Variants in MINDY2 observed in about 807,000 individuals in gnomAD.
The protein encoded by MINDY2 is MINDY lysine 48 deubiquitinase 2.
MINDY2 carries 52 observed loss-of-function variants against 68.2 expected under a neutral mutation model. That is an observed-to-expected ratio of 0.76 (90% CI 0.61 to 0.96). The LOEUF is 0.96. Among genes scored for constraint, MINDY2 ranks in the 40% least tolerant of loss-of-function variants. The pLI is 0.00. For missense variants in MINDY2, 881 were observed against 773.4 expected, an observed-to-expected ratio of 1.14 and a Z score of -1.65; for synonymous variants, 372 against 303.0, an observed-to-expected ratio of 1.23 and a Z score of -2.36.
Position 58,854,496 on chromosome 15 carries a change from A to C in MINDY2, c.1752A>C (p.Ala584=). ...TTTTCTTAAAGCAGGGCCAGCCAGC[A>C]CAAGCCTCTCCATCAAGTGGAAGAC... ...ASTQAQQGQP[A]QASPSSGRQS... Residue 584 remains alanine, a synonymous_variant, in exon 9 of 9, where the codon GCA becomes GCC. Transcript: ENST00000559228. 1.2e-6 allele frequency: 2 copies of C among 1,613,756 alleles called. No homozygotes were observed. Among genetic ancestry groups the C allele is most frequent in the Non-Finnish European group, 1.7e-6 (2 of 1,179,892 alleles).
chr15:58,791,143 G>C (rs1456651262), intron 2 of MINDY2, among the ~76,000 whole-genome samples: 2 of 141,934 alleles, frequency 1.4e-5, no homozygotes, highest in Non-Finnish European at 3.1e-5. Context: ...TCACGCCACT[G>C]CACTCCAGCC....
rs201445495 is a variant in MINDY2, at chr15:58,854,527, G to C, written c.1783G>C (p.Gly595Arg). The C allele has an allele frequency of 3.4e-5, 55 of 1,613,640 alleles. No individual in the cohort carries two copies. Among genetic ancestry groups the C allele is most frequent in the Non-Finnish European group, 2.7e-5 (32 of 1,179,892 alleles). ...QASPSSGRQS[G>R]NSERKRKEPR... ...CTCTCCATCAAGTGGAAGACAATCT[G>C]GGAATAGTGAACGTAAACGGAAGGA... The change falls in exon 9 of 9, where the codon GGG becomes CGG. Residue 595 changes from glycine to arginine, a missense_variant. By Grantham distance (125) the Gly-to-Arg change is moderately radical (BLOSUM62 -2). Coordinates refer to ENST00000559228, the MANE Select transcript of MINDY2 (RefSeq NM_001040450.3).
Position 58,778,529 on chromosome 15 carries a change from GACAC to G in MINDY2, c.840+6299_840+6302del, listed in dbSNP as rs371646360. Among the ~76,000 whole-genome samples the G allele has an allele frequency of 5.6e-4, 84 of 149,224 alleles. 2 individuals carry two copies. In the East Asian group the frequency reaches 0.016, roughly 28 times the overall value. ...AAATAAAAAAAAGCTTAAAAAAACA[GACAC>G]ACACCAAAAAAAAAAACCTCACCAT... On this transcript the variant is annotated intron_variant, in intron 1 of 8. Coordinates refer to ENST00000559228, the MANE Select transcript of MINDY2 (RefSeq NM_001040450.3).
At chr15:58,831,035 G>GTATATATATA (rs1230717668) in intron 5 of MINDY2, among the ~76,000 whole-genome samples, 12 of 99,054 alleles carry the variant, frequency 1.2e-4, no homozygotes, top group South Asian at 3.2e-4. Context: ...GTGTGTGTGT[G>GTATATATATA]TGTGTGTATA....
chr15:58,807,605 C>T (rs928951337), intron 3 of MINDY2, among the ~76,000 whole-genome samples: 1 of 152,012 alleles, frequency 6.6e-6, no homozygotes, highest in African/African-American at 2.4e-5. Flanking sequence ...CCTTGTGATC[C>T]GCCCGCCTCG....
intron 5 of MINDY2, among the ~76,000 whole-genome samples, chr15:58,825,361 C>A (rs2031326758): frequency 6.6e-6 from 1 of 152,180 alleles, no homozygotes; most frequent in African/African-American, 2.4e-5. Context: ...GTAGAATACA[C>A]TGCTTTCGGG....
intron 6 of MINDY2, among the ~76,000 whole-genome samples, chr15:58,836,146 G>A (rs570831724): frequency 3.3e-5 from 5 of 152,102 alleles, no homozygotes; most frequent in East Asian, 1.9e-4. Context: ...TCCTGATCTC[G>A]TGATCTGCCT....
rs1174226094 is a variant in MINDY2 at position 58,772,134 on chromosome 15, T to C, written c.739T>C (p.Trp247Arg). Residue 247 changes from tryptophan to arginine, a missense_variant, in exon 1 of 9, where the codon TGG becomes CGG. Physicochemically the swap from Trp to Arg is moderately radical, Grantham distance 101. Coordinates refer to ENST00000559228, the MANE Select transcript of MINDY2 (RefSeq NM_001040450.3). ...FPGQSVYHIK[W>R]IQWKEENTPI... is the part of the protein sequence containing the mutation. ...GGGACAATCTGTGTATCACATCAAGTGGATCCAGTGGAAGGAAGAGAACAC... is the reference window on the plus strand; with the variant it reads ...GGGACAATCTGTGTATCACATCAAGCGGATCCAGTGGAAGGAAGAGAACAC... 6.2e-7 allele frequency: 1 copy of C among 1,613,934 alleles called. No individual in the cohort carries two copies.
intron 7 of MINDY2, among the ~76,000 whole-genome samples, chr15:58,850,815 G>C (rs944291842): frequency 2.0e-5 from 3 of 152,110 alleles, no homozygotes; most frequent in South Asian, 2.1e-4. Flanking sequence ...TCAAACTCCT[G>C]GGCTCAAGCA....
At chr15:58,842,874 T>A (rs1355829819) in intron 6 of MINDY2, among the ~76,000 whole-genome samples, 1 of 152,192 alleles carries the variant, frequency 6.6e-6, no homozygotes, top group Non-Finnish European at 1.5e-5. Flanking sequence ...ATTTAGCTTA[T>A]CAGCATTTCC....
At chr15:58,816,728 TAGAG>T (rs2030712697) in intron 4 of MINDY2, among the ~76,000 whole-genome samples, 1 of 152,068 alleles carries the variant, frequency 6.6e-6, no homozygotes, top group African/African-American at 2.4e-5. Context: ...TAGGTAGACA[TAGAG>T]GGAAAAAATG....
At chr15:58,786,168 TG>T (rs1901484742) in intron 1 of MINDY2, among the ~76,000 whole-genome samples, 1 of 152,218 alleles carries the variant, frequency 6.6e-6, no homozygotes, top group Admixed American at 6.5e-5. Flanking sequence ...TTATTTTACT[TG>T]TTGATTAAAA....
At chr15:58,832,057 C>A (rs1420419640) in intron 6 of MINDY2, 141 bp downstream of exon 6, 8 of 710,550 alleles carry the variant, frequency 1.1e-5, no homozygotes, top group Non-Finnish European at 1.7e-5. Flanking sequence ...TTATTAAATA[C>A]AGTACTTCTT....
chr15:58,820,710 T>C (rs528982970), intron 4 of MINDY2, among the ~76,000 whole-genome samples: 1 of 152,264 alleles, frequency 6.6e-6, no homozygotes, highest in South Asian at 2.1e-4. Flanking sequence ...AACATGAGCC[T>C]GAAATTCTTT....
chr15:58,860,836 A>T lies in MINDY2; in HGVS notation c.*6226A>T, dbSNP rs2033199298. ...CAGAATTTTTATTATTGTTTTTCAC[A>T]TATGTGAAATAAGCAGTTTTTTCAG... On this transcript the variant is annotated 3_prime_UTR_variant, in exon 9 of 9. Coordinates refer to ENST00000559228, the MANE Select transcript of MINDY2 (RefSeq NM_001040450.3). 6.6e-6 allele frequency: 1 copy of T among 152,178 alleles called. No individual in the cohort carries two copies. The highest frequency in any genetic ancestry group is 2.4e-5 in the African/African-American group (1 of 41,442). 9.4% of individuals were successfully genotyped at this position (152,178 alleles called of 1,614,324 possible).
chr15:58,810,755 C>G (rs1285550623), intron 4 of MINDY2, among the ~76,000 whole-genome samples: 1 of 152,188 alleles, frequency 6.6e-6, no homozygotes, highest in Non-Finnish European at 1.5e-5. Context: ...CAGTTCATTA[C>G]AGGGCAAAGA....
At position 58,856,967 on chromosome 15, in the gene MINDY2, C is replaced by T. The variant is rs1490054318; in HGVS notation, c.*2357C>T. On this transcript the variant is annotated 3_prime_UTR_variant, in exon 9 of 9. Transcript: ENST00000559228. ...ATACTGCATTCCCTCTGGAAGGAAA[C>T]AAAACAAAACAAAACTCACTCAAAA... The T allele has an allele frequency of 1.3e-5, 2 of 151,974 alleles. No individual in the cohort carries two copies. Among genetic ancestry groups the T allele is most frequent in the Non-Finnish European group, 2.9e-5 (2 of 68,014 alleles). The allele number at this position is 151,974 out of a possible 1,614,324, so 9.4% of individuals were successfully genotyped here. A position where few individuals can be genotyped will look rare whatever the true frequency, so the allele number is the denominator to read the frequency against.
At chr15:58,800,884 C>T (rs1805230575) in intron 2 of MINDY2, among the ~76,000 whole-genome samples, 1 of 150,764 alleles carries the variant, frequency 6.6e-6, no homozygotes, top group Admixed American at 6.6e-5. Flanking sequence ...TCAGTTACAT[C>T]ACTAAGTCTA....
intron 1 of MINDY2, among the ~76,000 whole-genome samples, chr15:58,777,939 G>C (rs965619320): frequency 6.6e-6 from 1 of 151,930 alleles, no homozygotes; most frequent in South Asian, 2.1e-4. Context: ...GACTATATTT[G>C]ATTTTTAATA....
Sources: allele counts gnomAD v4.1 joint callset (sites outside exome capture counted in the v4.1 genomes callset), GRCh38; gene constraint gnomAD v4.1.1; transcripts MANE v1.5; gene names NCBI Gene and HGNC (gene_info 2026-07-23, HGNC 2026-07-21).